Variants in GRIK4 observed in about 807,000 individuals in gnomAD.
The protein encoded by GRIK4 is glutamate receptor ionotropic, kainate 4.
In GRIK4, 40 loss-of-function variants were observed where a neutral mutation model predicts 104.9. That is an observed-to-expected ratio of 0.38 (90% confidence interval 0.30 to 0.50). GRIK4 has a LOEUF of 0.50. GRIK4 is among the 20% of genes least tolerant of loss of function. The probability of loss-of-function intolerance (pLI) is 0.93; values close to 1 mark genes in which losing one functional copy is unlikely to be tolerated. For missense variants in GRIK4, 1,047 were observed against 1,308.1 expected (o/e 0.80, Z 3.08); for synonymous variants, 485 against 524.9 (o/e 0.92, Z 1.04).
intron 11 of GRIK4, among the ~76,000 whole-genome samples, chr11:120,898,158 T>C (rs1487937842): frequency 8.5e-5 from 13 of 152,188 alleles, no homozygotes; most frequent in African/African-American, 1.2e-4. Flanking sequence ...TCAGAAATGA[T>C]TGAAGGCAGG....
At chr11:120,717,035 A>G (rs1250236210) in intron 3 of GRIK4, among the ~76,000 whole-genome samples, 2 of 152,184 alleles carry the variant, frequency 1.3e-5, no homozygotes, top group Non-Finnish European at 2.9e-5. Context: ...TTCATACCCA[A>G]GAGGGGAAAG....
intron 1 of GRIK4, among the ~76,000 whole-genome samples, chr11:120,633,195 C>T (rs1010806817): frequency 6.6e-6 from 1 of 152,068 alleles, no homozygotes; most frequent in Non-Finnish European, 1.5e-5. Context: ...CCTGGAGCTT[C>T]GTTTAAGATG....
At chr11:120,852,323 C>A (rs1953992885) in intron 8 of GRIK4, among the ~76,000 whole-genome samples, 1 of 152,194 alleles carries the variant, frequency 6.6e-6, no homozygotes, top group African/African-American at 2.4e-5. Flanking sequence ...GGCAGTTCTA[C>A]CCTGATGGGT....
At chr11:120,933,940 C>T (rs1279351395) in intron 13 of GRIK4, among the ~76,000 whole-genome samples, 1 of 152,098 alleles carries the variant, frequency 6.6e-6, no homozygotes, top group African/African-American at 2.4e-5. Context: ...CGCGGTGGCT[C>T]ACACCTGTAA....
At chr11:120,554,997 A>G (rs549423769) in intron 1 of GRIK4, among the ~76,000 whole-genome samples, 2 of 151,910 alleles carry the variant, frequency 1.3e-5, no homozygotes, top group South Asian at 2.1e-4. Flanking sequence ...CCGCAACCAC[A>G]CTCCCACACA....
intron 1 of GRIK4, among the ~76,000 whole-genome samples, chr11:120,558,503 G>C (rs958841041): frequency 6.6e-6 from 1 of 152,148 alleles, no homozygotes; most frequent in Non-Finnish European, 1.5e-5. Flanking sequence ...CAGGAGAATC[G>C]CTTGAACCCA....
intron 3 of GRIK4, among the ~76,000 whole-genome samples, chr11:120,736,822 GA>G (rs1951232715): frequency 6.6e-6 from 1 of 150,894 alleles, no homozygotes; most frequent in Non-Finnish European, 1.5e-5. Context: ...AAAAGGCCTA[GA>G]AAGTATGACC....
intron 3 of GRIK4, among the ~76,000 whole-genome samples, chr11:120,801,078 A>G (rs906474935): frequency 6.6e-6 from 1 of 152,228 alleles, no homozygotes; most frequent in African/African-American, 2.4e-5. Context: ...CACCACACGC[A>G]TTAGCAGACA....
At chr11:120,765,402 C>A (rs1251576926) in intron 3 of GRIK4, among the ~76,000 whole-genome samples, 1 of 151,982 alleles carries the variant, frequency 6.6e-6, no homozygotes, top group East Asian at 1.9e-4. Flanking sequence ...TGGGTTAGTA[C>A]ATGCTCCTTT....
At position 120,987,309 on chromosome 11, in the gene GRIK4, G is replaced by A. The variant is rs1944772366; in HGVS notation, c.*1049G>A. ...GGCGGAAGGACTGGGCCACCCCGTTGGTATGGTGCATACTTTGTCAACTGC... is the reference window on the plus strand; with the variant it reads ...GGCGGAAGGACTGGGCCACCCCGTTAGTATGGTGCATACTTTGTCAACTGC... On this transcript the variant is annotated 3_prime_UTR_variant, in exon 21 of 21. Transcript: ENST00000527524. The A allele has an allele frequency of 6.6e-6, 1 of 152,208 alleles. No homozygotes were observed. Among genetic ancestry groups the A allele is most frequent in the South Asian group, 2.1e-4 (1 of 4,828 alleles). 9.4% of individuals were successfully genotyped at this position (152,208 alleles called of 1,614,324 possible).
intron 3 of GRIK4, among the ~76,000 whole-genome samples, chr11:120,679,270 G>T (rs1950154212): frequency 6.6e-6 from 1 of 152,164 alleles, no homozygotes; most frequent in South Asian, 2.1e-4. Flanking sequence ...GAGACCACAT[G>T]TCCCTTATAC....
chr11:120,760,434 CATAT>C (rs34870881), intron 3 of GRIK4, among the ~76,000 whole-genome samples: 8 of 146,416 alleles, frequency 5.5e-5, no homozygotes, highest in Non-Finnish European at 1.2e-4. Flanking sequence ...CATATATATA[CATAT>C]ATATATATAC....
chr11:120,593,466 T>C (rs1948761225), intron 1 of GRIK4, among the ~76,000 whole-genome samples: 1 of 152,126 alleles, frequency 6.6e-6, no homozygotes, highest in Non-Finnish European at 1.5e-5. Context: ...CTCGAGACAC[T>C]TTCTCCAGGC....
At chr11:120,969,187 A>G (rs752877862) in intron 19 of GRIK4, among the ~76,000 whole-genome samples, 1 of 152,188 alleles carries the variant, frequency 6.6e-6, no homozygotes, top group Non-Finnish European at 1.5e-5. Flanking sequence ...TGGTTAGCAA[A>G]CAATTCTTGA....
At chr11:120,949,952 G>A (rs1943958696) in intron 14 of GRIK4, among the ~76,000 whole-genome samples, 1 of 140,568 alleles carries the variant, frequency 7.1e-6, no homozygotes, top group Non-Finnish European at 1.5e-5. Context: ...CCTCCTTTGG[G>A]CTAAGGAAAA....
Position 120,593,106 on chromosome 11 carries a change from C to T in GRIK4, c.-158-60579C>T, listed in dbSNP as rs535489676. Among the ~76,000 whole-genome samples, 16 of 151,096 alleles carry T rather than the reference C, an allele frequency of 1.1e-4. No individual in the cohort carries two copies. The East Asian group carries it at 2.4e-3, about 22-fold the overall frequency. On this transcript the variant is annotated intron_variant, in intron 1 of 20. Transcript: ENST00000527524. ...GCTGAGGTGGGAGAATCGCTTGAAC[C>T]CGGGAGGCAGAGGTTGTGGTGAGCC...
In GRIK4 at chr11:120,952,821, G is replaced by A. The variant is rs772319975; in HGVS notation, c.1591-34G>A. ...CCCCAAGGTCATGTTGACTGAATATGTGCGGTGAATCTTGTTTTTCTCTCC... is the reference window on the plus strand; with the variant it reads ...CCCCAAGGTCATGTTGACTGAATATATGCGGTGAATCTTGTTTTTCTCTCC... On this transcript the variant is annotated intron_variant, in intron 14 of 20. Transcript: ENST00000527524. The surrounding 1 kb of genome is among the most constrained non-coding windows in gnomAD (Gnocchi z 5.2). The A allele has an allele frequency of 8.4e-6, 12 of 1,434,066 alleles. No individual in the cohort carries two copies. Among genetic ancestry groups the A allele is most frequent in the African/African-American group, 5.5e-5 (4 of 72,092 alleles). 88.8% of individuals were successfully genotyped at this position (1,434,066 alleles called of 1,614,324 possible). A position where few individuals can be genotyped will look rare whatever the true frequency, so the allele number is the denominator to read the frequency against.
intron 12 of GRIK4, among the ~76,000 whole-genome samples, chr11:120,904,523 T>C (rs1942822167): frequency 6.6e-6 from 1 of 152,234 alleles, no homozygotes; most frequent in Admixed American, 6.5e-5. Context: ...TATTCCTTAC[T>C]CGCAGCCTTG....
intron 3 of GRIK4, among the ~76,000 whole-genome samples, chr11:120,695,735 G>A (rs1950437162): frequency 6.6e-6 from 1 of 152,072 alleles, no homozygotes; most frequent in Non-Finnish European, 1.5e-5. Context: ...GTGAGATGCA[G>A]TGTCATTAGC....
Sources: gnomAD v4.1 joint callset for allele counts (sites outside exome capture counted in the v4.1 genomes callset) on GRCh38, gnomAD v4.1.1 for gene constraint, Gnocchi (gnomAD v3.1) non-coding constraint, MANE v1.5 for transcripts, NCBI Gene and HGNC (gene_info 2026-07-23, HGNC 2026-07-21) for gene names.